Variants in MAPK8IP3 observed in about 807,000 individuals in gnomAD.
The protein encoded by MAPK8IP3 is mitogen-activated protein kinase 8 interacting protein 3.
MAPK8IP3 carries 49 observed loss-of-function variants against 157.8 expected under a neutral mutation model. The ratio of observed to expected loss-of-function variants is 0.31; its 90% CI spans 0.25 to 0.39. The LOEUF (loss-of-function observed/expected upper bound fraction) is 0.39. Ranked by LOEUF, MAPK8IP3 falls within the 10% of genes least tolerant of loss-of-function variation. The pLI is 1.00. For synonymous variants in MAPK8IP3, 897 were observed against 777.7 expected, an observed-to-expected ratio of 1.15 and a Z score of -2.55; for missense variants, 1,478 against 1,889.4, an observed-to-expected ratio of 0.78 and a Z score of 4.04.
intron 5 of MAPK8IP3, chr16:1,744,668 C>T (rs139022085): frequency 1.2e-4 from 117 of 985,476 alleles, no homozygotes; most frequent in Admixed American, 1.8e-4. Context: ...CAGCCTCAGC[C>T]GGGGGGAGCC....
At chr16:1,755,232 C>T (rs868655779) in intron 8 of MAPK8IP3, among the ~76,000 whole-genome samples, 1 of 152,182 alleles carries the variant, frequency 6.6e-6, no homozygotes, top group Non-Finnish European at 1.5e-5. Context: ...CATCTCAAAC[C>T]GTGGAAAACG....
rs374850294 is a variant in MAPK8IP3 at position 1,765,138 on chromosome 16, C to T, written c.2406C>T (p.Thr802=). ...CGGGCACGGTGGTGGACCAGTTCAC[C>T]GTCTGCAACGCGCACGTGCTGTGCA... ...NQPGTVVDQF[T]VCNAHVLCIS... is the part of the protein sequence containing the mutation. The change falls in exon 20 of 32, where the codon ACC becomes ACT. Residue 802 remains threonine (T), a synonymous_variant. Transcript: ENST00000610761. 1.8e-5 allele frequency: 29 copies of T among 1,611,316 alleles called. No homozygotes were observed. Among genetic ancestry groups the T allele is most frequent in the South Asian group, 1.3e-4 (12 of 91,046 alleles).
intron 5 of MAPK8IP3, chr16:1,745,885 G>C (rs933387961): frequency 2.0e-5 from 3 of 152,344 alleles, no homozygotes; most frequent in Non-Finnish European, 4.4e-5. Flanking sequence ...TGAGTCTGGC[G>C]GTGACCAGAG....
At chr16:1,728,625 A>AGG (rs2039067076) in intron 2 of MAPK8IP3, among the ~76,000 whole-genome samples, 2 of 146,546 alleles carry the variant, frequency 1.4e-5, no homozygotes, top group African/African-American at 5.4e-5. Context: ...GGCACAGCAC[A>AGG]CACAGCAGCC....
chr16:1,766,934 G>A lies in MAPK8IP3; in HGVS notation c.3051G>A (p.Leu1017=), dbSNP rs1266974866. 1 of 1,596,982 alleles carries A rather than the reference G, an allele frequency of 6.3e-7. No individual in the cohort carries two copies. Among genetic ancestry groups the A allele is most frequent in the Middle Eastern group, 1.7e-4 (1 of 5,976 alleles). Reference sequence around the variant, plus strand: ...TCAAAGGCCGTGTGCTGGTGGCTCTGGCGGACGGGACCCTGGCCATCTTCC... The same window carrying A: ...TCAAAGGCCGTGTGCTGGTGGCTCTAGCGGACGGGACCCTGGCCATCTTCC... ...VHVKGRVLVA[L]ADGTLAIFHR... is the part of the protein sequence containing the mutation. Residue 1017 remains leucine, a synonymous_variant, in exon 25 of 32, where the codon CTG becomes CTA. Coordinates refer to ENST00000610761, the MANE Select transcript of MAPK8IP3 (RefSeq NM_001318852.2).
chr16:1,729,490 A>G lies in MAPK8IP3; in HGVS notation c.514A>G (p.Ile172Val). ...NALHQRHTEM[I>V]QTYVEHIERS... ...GCAGGCGTTTCCCTCCTCGCAGATG[A>G]TACAGACCTACGTGGAGCACATTGA... Residue 172 changes from isoleucine to valine, a missense_variant, in exon 4 of 32, where the codon ATA becomes GTA. By Grantham distance (29) the Ile-to-Val change is conservative (BLOSUM62 3). Transcript: ENST00000610761. 1 of 1,612,764 alleles carries G rather than the reference A, an allele frequency of 6.2e-7. No homozygotes were observed. Among genetic ancestry groups the G allele is most frequent in the Non-Finnish European group, 8.5e-7 (1 of 1,179,564 alleles).
intron 4 of MAPK8IP3, among the ~76,000 whole-genome samples, chr16:1,737,003 ACCGT>A (rs1247292795): frequency 1.5e-5 from 1 of 64,604 alleles, no homozygotes; most frequent in East Asian, 5.8e-4. Context: ...TGAGCGTGTG[ACCGT>A]CCGTGTGAGA....
In MAPK8IP3 at chr16:1,737,839, C is replaced by T. The variant is rs1212661989; in HGVS notation, c.603-5493C>T. On this transcript the variant is annotated intron_variant, in intron 4 of 31. Coordinates refer to ENST00000610761, the MANE Select transcript of MAPK8IP3 (RefSeq NM_001318852.2). ...GAGCGTCCGTGTGAGCGTGACTGTC[C>T]GTGTGTGTGACCATCCATGTGAGCA... Among the ~76,000 whole-genome samples the T allele has an allele frequency of 3.0e-5, 2 of 65,876 alleles. 1 individual carries two copies. Among genetic ancestry groups the T allele is most frequent in the South Asian group, 1.9e-3 (2 of 1,042 alleles). The allele number at this position is 65,876 out of a possible 152,430, so 43.2% of individuals were successfully genotyped here. A position where few individuals can be genotyped will look rare whatever the true frequency, so the allele number is the denominator to read the frequency against.
At chr16:1,747,574 G>A (rs2041041404) in intron 6 of MAPK8IP3, among the ~76,000 whole-genome samples, 1 of 152,192 alleles carries the variant, frequency 6.6e-6, no homozygotes, top group Non-Finnish European at 1.5e-5. Flanking sequence ...GCCACCACGT[G>A]ACCTCATTTT....
rs1024443871 is a variant in MAPK8IP3, at chr16:1,741,005, G to A, written c.603-2327G>A. On this transcript the variant is annotated intron_variant, in intron 4 of 31. Coordinates refer to ENST00000610761, the MANE Select transcript of MAPK8IP3 (RefSeq NM_001318852.2). The surrounding 1 kb of genome is among the most constrained non-coding windows in gnomAD (Gnocchi z 6.9). ...CCTTGGTCACAGACGAAGGCACGGC[G>A]CCGACTCCTGCTAAGGAGGGGTGTG... Among the ~76,000 whole-genome samples the A allele has an allele frequency of 2.6e-5, 4 of 152,260 alleles. No homozygotes were observed. The East Asian group carries it at 5.8e-4, about 22-fold the overall frequency.
intron 1 of MAPK8IP3, among the ~76,000 whole-genome samples, chr16:1,709,912 A>G (rs1354240273): frequency 6.6e-6 from 1 of 152,140 alleles, no homozygotes; most frequent in Non-Finnish European, 1.5e-5. Context: ...GCTGCTGGTA[A>G]CACCCCCCAG....
At position 1,751,705 on chromosome 16, in the gene MAPK8IP3, C is replaced by T. The variant is rs1295063476; in HGVS notation, c.1216+2985C>T. ...CAAAAGGAAACCCCGTGCCCATGAG[C>T]AGTCGCTTTGTCTGCCCCTCGTCCC... On this transcript the variant is annotated intron_variant, in intron 8 of 31. Coordinates refer to ENST00000610761, the MANE Select transcript of MAPK8IP3 (RefSeq NM_001318852.2). This position sits in a 1 kb window ranked among gnomAD's most constrained non-coding sequence, Gnocchi z 5.0. 6.6e-6 allele frequency: 1 copy of T among 152,292 alleles called. No individual in the cohort carries two copies. The highest frequency in any genetic ancestry group is 2.4e-5 in the African/African-American group (1 of 41,448). 9.4% of individuals were successfully genotyped at this position (152,292 alleles called of 1,614,324 possible).
chr16:1,739,194 CCGTCCGTGTGAG>C (rs1290456562), intron 4 of MAPK8IP3, among the ~76,000 whole-genome samples: 8 of 93,022 alleles, frequency 8.6e-5, no homozygotes, highest in East Asian at 3.1e-4. Flanking sequence ...ATCCGTGTGA[CCGTCCGTGTGAG>C]CGTCCGTGTG....
intron 8 of MAPK8IP3, among the ~76,000 whole-genome samples, chr16:1,752,983 G>C (rs569267222): frequency 6.6e-6 from 1 of 152,304 alleles, no homozygotes; most frequent in East Asian, 1.9e-4. Flanking sequence ...AGCAGGAAAA[G>C]GAGTACGCCC....
intron 19 of MAPK8IP3, 35 bp downstream of exon 19, chr16:1,764,494 G>T (rs1253704168): frequency 5.0e-6 from 8 of 1,599,438 alleles, no homozygotes; most frequent in Non-Finnish European, 6.8e-6. Context: ...CACCCTCCCT[G>T]GCTTAGTCTC....
chr16:1,763,956 A>C, intron 17 of MAPK8IP3, 159 bp from the exon 18 acceptor site: 2 of 1,059,518 alleles, frequency 1.9e-6, no homozygotes, highest in South Asian at 1.7e-5. Flanking sequence ...AGGGGTCTGG[A>C]GGGTCGGAGA....
intron 5 of MAPK8IP3, 80 bp from the exon 6 acceptor site, chr16:1,746,949 G>A: frequency 6.6e-7 from 1 of 1,511,666 alleles, no homozygotes; most frequent in Non-Finnish European, 8.9e-7. Flanking sequence ...TGGTGCGCGG[G>A]GCCTCAGGCA....
At chr16:1,713,760 T>A (rs2037951027) in intron 1 of MAPK8IP3, 1 of 152,260 alleles carries the variant, frequency 6.6e-6, no homozygotes, top group South Asian at 2.1e-4. Context: ...ATCGACTTTT[T>A]CGCCTTGGGC....
chr16:1,765,237 A>AG, intron 20 of MAPK8IP3, 59 bp downstream of exon 20: 3 of 1,525,604 alleles, frequency 2.0e-6, no homozygotes, highest in Non-Finnish European at 2.7e-6. Flanking sequence ...TAGCAAGCTA[A>AG]GTAAAAGCCC....
Sources: allele counts gnomAD v4.1 joint callset (sites outside exome capture counted in the v4.1 genomes callset), GRCh38; gene constraint gnomAD v4.1.1; non-coding constraint Gnocchi (gnomAD v3.1); transcripts MANE v1.5; gene names NCBI Gene and HGNC (gene_info 2026-07-23, HGNC 2026-07-21).